Variants in PPARGC1B observed in about 807,000 individuals in gnomAD.
PPARGC1B encodes the protein peroxisome proliferator-activated receptor gamma coactivator 1-beta.
A neutral mutation model predicts 101.6 loss-of-function variants in PPARGC1B; 34 were observed. That is an observed-to-expected ratio of 0.33 (90% CI 0.25 to 0.45). The LOEUF (loss-of-function observed/expected upper bound fraction) is 0.45, where lower values mean the gene tolerates loss of function less well. Among genes scored for constraint, PPARGC1B ranks in the 20% least tolerant of loss-of-function variants. The probability of loss-of-function intolerance (pLI) is 1.00; values close to 1 mark genes in which losing one functional copy is unlikely to be tolerated. For synonymous variants in PPARGC1B, 548 were observed against 539.3 expected, an observed-to-expected ratio of 1.02 and a Z score of -0.22; for missense variants, 1,234 against 1,317.6, an observed-to-expected ratio of 0.94 and a Z score of 0.98.
chr5:149,772,541 C>T (rs918945701), intron 1 of PPARGC1B, among the ~76,000 whole-genome samples: 2 of 152,128 alleles, frequency 1.3e-5, no homozygotes, highest in Non-Finnish European at 2.9e-5. Context: ...GGTGGGCAGT[C>T]AGCTTACTTT....
At chr5:149,838,112 C>CA (rs201994385) in intron 8 of PPARGC1B, among the ~76,000 whole-genome samples, 5 of 151,354 alleles carry the variant, frequency 3.3e-5, no homozygotes, top group South Asian at 2.1e-4. Flanking sequence ...AAGGGACTAG[C>CA]AAAAAAAAAT....
chr5:149,738,911 A>G (rs1561846367), intron 1 of PPARGC1B, among the ~76,000 whole-genome samples: 1 of 152,246 alleles, frequency 6.6e-6, no homozygotes, highest in East Asian at 1.9e-4. Flanking sequence ...AAGCCTTTGA[A>G]GCTAACTTCT....
chr5:149,752,447 T>A (rs2113124402), intron 1 of PPARGC1B, among the ~76,000 whole-genome samples: 1 of 152,342 alleles, frequency 6.6e-6, no homozygotes, highest in South Asian at 2.1e-4. Flanking sequence ...CCTACTAGTT[T>A]CAGCATACAC....
In PPARGC1B at chr5:149,768,975, A is replaced by G. The variant is rs115795831; in HGVS notation, c.78+38555A>G. On this transcript the variant is annotated intron_variant, in intron 1 of 11. Transcript: ENST00000309241. ...TGGCCACTGATAGAGTTTTGATATG[A>G]GTCTGCAAGCAATTGATGTATTATG... Among the ~76,000 whole-genome samples the G allele has an allele frequency of 7.6e-3, 1,150 of 152,286 alleles. 22 individuals are homozygous for G. The highest frequency in any genetic ancestry group is 0.027 in the African/African-American group (1,117 of 41,570).
Position 149,832,505 on chromosome 5 carries a change from C to T in PPARGC1B, c.583-151C>T. 2 of 650,056 alleles carry T rather than the reference C, an allele frequency of 3.1e-6. No homozygotes were observed. The highest frequency in any genetic ancestry group is 5.4e-5 in the South Asian group (2 of 36,834). The allele number at this position is 650,056 out of a possible 1,614,324, so 40.3% of individuals were successfully genotyped here. On this transcript the variant is annotated intron_variant, in intron 4 of 11. Coordinates refer to ENST00000309241, the MANE Select transcript of PPARGC1B (RefSeq NM_133263.4). This position sits in a 1 kb window ranked among gnomAD's most constrained non-coding sequence, Gnocchi z 4.9. ...ACTGAGCACAGCCAGGTGCCCGGCT[C>T]TGTGTGGGAAGCTGGGGACGGAATG...
At chr5:149,829,525 G>A (rs1227518608) in intron 3 of PPARGC1B, among the ~76,000 whole-genome samples, 1 of 152,054 alleles carries the variant, frequency 6.6e-6, no homozygotes, top group Non-Finnish European at 1.5e-5. Flanking sequence ...GAAACTCTCC[G>A]TGCTGTACTA....
intron 1 of PPARGC1B, among the ~76,000 whole-genome samples, chr5:149,755,914 G>A (rs1200021082): frequency 6.6e-6 from 1 of 152,128 alleles, no homozygotes; most frequent in Non-Finnish European, 1.5e-5. Flanking sequence ...AAAGTGCTGG[G>A]ATTACAGGGG....
chr5:149,737,471 G>A (rs1279753200), intron 1 of PPARGC1B, among the ~76,000 whole-genome samples: 1 of 151,846 alleles, frequency 6.6e-6, no homozygotes, highest in East Asian at 1.9e-4. Flanking sequence ...TTCATCCTGC[G>A]AGCCCCTGCT....
intron 2 of PPARGC1B, among the ~76,000 whole-genome samples, chr5:149,825,677 C>T (rs961360714): frequency 2.6e-5 from 4 of 152,234 alleles, no homozygotes; most frequent in Non-Finnish European, 5.9e-5. Context: ...CCATCCTCCA[C>T]AGGAGGGTAA....
At position 149,731,661 on chromosome 5, in the gene PPARGC1B, T is replaced by C. The variant is rs1286773348; in HGVS notation, c.78+1241T>C. 3.3e-5 allele frequency among the ~76,000 whole-genome samples: 5 copies of C among 151,810 alleles called. No individual in the cohort carries two copies. In the East Asian group the frequency reaches 9.8e-4, roughly 30 times the overall value. On this transcript the variant is annotated intron_variant, in intron 1 of 11. Transcript: ENST00000309241. ...GGAGGAGAGAGAGGGAAACTTTGCT[T>C]CTTGTTATAATCTGCCTGTCTTTGG...
chr5:149,750,238 G>C (rs1466235678), intron 1 of PPARGC1B, among the ~76,000 whole-genome samples: 1 of 151,560 alleles, frequency 6.6e-6, no homozygotes, highest in African/African-American at 2.4e-5. Context: ...CATTGGATAA[G>C]TCATTCATGG....
chr5:149,845,623 C>T, intron 10 of PPARGC1B, 137 bp from the exon 11 acceptor site: 2 of 852,142 alleles, frequency 2.3e-6, no homozygotes, highest in East Asian at 2.5e-5. Flanking sequence ...CAGTGGTCAT[C>T]ATCATCTCTA....
intron 1 of PPARGC1B, among the ~76,000 whole-genome samples, chr5:149,754,454 G>GA (rs1245628692): frequency 6.6e-6 from 1 of 152,196 alleles, no homozygotes; most frequent in Non-Finnish European, 1.5e-5. Flanking sequence ...TCTGTGAAGA[G>GA]AGGATATTAG....
chr5:149,763,042 C>A lies in PPARGC1B; in HGVS notation c.78+32622C>A, dbSNP rs564370364. ...GGCTCCAGCAATCCTGCCTCAGCAT[C>A]CCAAAGTATTAGCATTACGGGCATG... is the stretch of plus-strand genomic sequence containing the variant. On this transcript the variant is annotated intron_variant, in intron 1 of 11. Transcript: ENST00000309241. 1.4e-4 allele frequency among the ~76,000 whole-genome samples: 21 copies of A among 152,284 alleles called. No homozygotes were observed. In the South Asian group the frequency reaches 4.1e-3, roughly 30 times the overall value.
At chr5:149,843,343 G>A (rs939548434) in intron 10 of PPARGC1B, among the ~76,000 whole-genome samples, 3 of 152,008 alleles carry the variant, frequency 2.0e-5, no homozygotes, top group African/African-American at 7.2e-5. Flanking sequence ...CTATTATATC[G>A]GCAAACTAAG....
At chr5:149,745,261 T>C (rs961319313) in intron 1 of PPARGC1B, among the ~76,000 whole-genome samples, 12 of 152,150 alleles carry the variant, frequency 7.9e-5, no homozygotes, top group Non-Finnish European at 1.3e-4. Flanking sequence ...GTGCTCTAGT[T>C]AGCCAGCTCC....
At chr5:149,841,473 TC>T (rs1439242497) in intron 9 of PPARGC1B, among the ~76,000 whole-genome samples, 1 of 152,062 alleles carries the variant, frequency 6.6e-6, no homozygotes, top group Non-Finnish European at 1.5e-5. Flanking sequence ...GCATGTGTAG[TC>T]CGTGGGTGGG....
intron 1 of PPARGC1B, among the ~76,000 whole-genome samples, chr5:149,810,883 G>C (rs1297312705): frequency 1.3e-5 from 2 of 152,010 alleles, no homozygotes; most frequent in Non-Finnish European, 2.9e-5. Flanking sequence ...AGACCCTTCC[G>C]GTACACAAAA....
chr5:149,847,305 G>A, intron 11 of PPARGC1B, 153 bp from the exon 12 acceptor site: 2 of 768,692 alleles, frequency 2.6e-6, no homozygotes, highest in Non-Finnish European at 4.8e-6. Context: ...GGCAGGCAGT[G>A]CCCACAGTCC....
Sources: gnomAD v4.1 joint callset for allele counts (sites outside exome capture counted in the v4.1 genomes callset) on GRCh38, gnomAD v4.1.1 for gene constraint, Gnocchi (gnomAD v3.1) non-coding constraint, MANE v1.5 for transcripts, NCBI Gene and HGNC (gene_info 2026-07-23, HGNC 2026-07-21) for gene names.